CFAP20DC: variants seen among roughly 807,000 people sequenced by gnomAD.
The protein encoded by CFAP20DC is protein CFAP20DC.
In CFAP20DC, 84 loss-of-function variants were observed where a neutral mutation model predicts 101.7. That is an observed-to-expected ratio of 0.83 (90% CI 0.69 to 0.99). The LOEUF is 0.99. Ranked by LOEUF, CFAP20DC falls within the 50% of genes least tolerant of loss-of-function variation. CFAP20DC has a pLI of 0.00. For synonymous variants in CFAP20DC, 359 were observed against 351.2 expected, an observed-to-expected ratio of 1.02 and a Z score of -0.25; for missense variants, 1,007 against 970.3, an observed-to-expected ratio of 1.04 and a Z score of -0.50.
At chr3:58,751,087 C>T (rs1254693748) in intron 16 of CFAP20DC, among the ~76,000 whole-genome samples, 1 of 152,124 alleles carries the variant, frequency 6.6e-6, no homozygotes, top group African/African-American at 2.4e-5. Flanking sequence ...CTCCTTTCCT[C>T]CCTTTATTCC....
At chr3:58,998,376 A>G (rs920567127) in intron 4 of CFAP20DC, among the ~76,000 whole-genome samples, 3 of 152,220 alleles carry the variant, frequency 2.0e-5, no homozygotes, top group Non-Finnish European at 4.4e-5. Flanking sequence ...TCGTTTGTAA[A>G]TGGGTGATAA....
At chr3:58,951,248 T>G (rs905808075) in intron 4 of CFAP20DC, among the ~76,000 whole-genome samples, 1 of 151,686 alleles carries the variant, frequency 6.6e-6, no homozygotes, top group Non-Finnish European at 1.5e-5. Flanking sequence ...ATTAAAAAGT[T>G]AGAAAACAAC....
intron 4 of CFAP20DC, among the ~76,000 whole-genome samples, chr3:58,967,129 G>A (rs2091611592): frequency 6.6e-6 from 1 of 152,168 alleles, no homozygotes; most frequent in Admixed American, 6.6e-5. Flanking sequence ...TAGTAAACAT[G>A]ACAGTGTGGT....
intron 6 of CFAP20DC, among the ~76,000 whole-genome samples, chr3:58,907,755 C>G (rs184559068): frequency 1.3e-5 from 2 of 152,260 alleles, no homozygotes; most frequent in East Asian, 3.9e-4. Flanking sequence ...TTTACCTAAT[C>G]AAGGCATAAG....
intron 15 of CFAP20DC, among the ~76,000 whole-genome samples, chr3:58,756,247 C>T (rs112945934): frequency 0.027 from 4,162 of 152,050 alleles, 191 homozygotes; most frequent in African/African-American, 0.093. Flanking sequence ...AGGAAACTGG[C>T]CCTCAGTATC....
intron 16 of CFAP20DC, among the ~76,000 whole-genome samples, chr3:58,751,939 T>C (rs2068605566): frequency 6.6e-6 from 1 of 152,088 alleles, no homozygotes; most frequent in Non-Finnish European, 1.5e-5. Context: ...AAGTGCTAAA[T>C]GAATGGTGTC....
At chr3:58,772,886 T>G (rs1255478868) in intron 15 of CFAP20DC, among the ~76,000 whole-genome samples, 1 of 152,150 alleles carries the variant, frequency 6.6e-6, no homozygotes, top group East Asian at 1.9e-4. Flanking sequence ...GCATAGAAAA[T>G]TTCTGAAGAA....
intron 4 of CFAP20DC, among the ~76,000 whole-genome samples, chr3:59,030,905 G>A (rs982260363): frequency 6.6e-6 from 1 of 152,044 alleles, no homozygotes; most frequent in Non-Finnish European, 1.5e-5. Context: ...CTCACTGCAA[G>A]CTCCGCCTCC....
At chr3:58,765,490 C>CAAAAAAAAAAAA (rs1337049385) in intron 15 of CFAP20DC, among the ~76,000 whole-genome samples, 12 of 81,792 alleles carry the variant, frequency 1.5e-4, no homozygotes, top group East Asian at 4.0e-4. Flanking sequence ...AAAAAAAAAC[C>CAAAAAAAAAAAA]AAAAAAAAAA....
rs577286826 is a variant in CFAP20DC, at chr3:59,046,342, C to T, written c.112-20G>A. ...AAACTCCTATAGAACAAAATGAAAA[C>T]AGTAGTTATCACAGGATATTTTATT... On this transcript the variant is annotated intron_variant, in intron 2 of 16. Transcript: ENST00000482387. The T allele has an allele frequency of 1.4e-6, 2 of 1,389,124 alleles. No homozygotes were observed. Among genetic ancestry groups the T allele is most frequent in the South Asian group, 2.6e-5 (2 of 75,822 alleles). 86.0% of individuals were successfully genotyped at this position (1,389,124 alleles called of 1,614,324 possible).
In CFAP20DC at chr3:58,861,608, C is replaced by A; in HGVS notation, c.1593+1950G>T. ...TAAAACTTGTTTAAATATAGCCTAG[C>A]ATTTTTGTTGGTCCTATTTTTGTAT... On this transcript the variant is annotated intron_variant, in intron 12 of 16. Coordinates refer to ENST00000482387, the MANE Select transcript of CFAP20DC (RefSeq NM_001394063.1). This position sits in a 1 kb window ranked among gnomAD's most constrained non-coding sequence, Gnocchi z 4.0. 2.0e-6 allele frequency: 2 copies of A among 985,402 alleles called. No individual in the cohort carries two copies. The highest frequency in any genetic ancestry group is 2.4e-6 in the Non-Finnish European group (2 of 829,902). 61.0% of individuals were successfully genotyped at this position (985,402 alleles called of 1,614,324 possible).
At chr3:58,981,570 G>A (rs1233596901) in intron 4 of CFAP20DC, among the ~76,000 whole-genome samples, 2 of 152,158 alleles carry the variant, frequency 1.3e-5, no homozygotes, top group Non-Finnish European at 2.9e-5. Flanking sequence ...ACAACCATCT[G>A]GTCTTTGACA....
chr3:58,749,050 C>G (rs2068390389), intron 16 of CFAP20DC, among the ~76,000 whole-genome samples: 1 of 152,134 alleles, frequency 6.6e-6, no homozygotes, highest in Admixed American at 6.5e-5. Context: ...TTTCATATGA[C>G]CAATATTGCT....
chr3:58,734,915 A>G (rs896151159), intron 3 of CFAP20DC, among the ~76,000 whole-genome samples: 1 of 152,280 alleles, frequency 6.6e-6, no homozygotes, highest in African/African-American at 2.4e-5. Context: ...TCGTATTTAG[A>G]AGAACGCTAC....
intron 1 of CFAP20DC, 31 bp downstream of exon 1, chr3:59,049,580 A>C: frequency 6.5e-7 from 1 of 1,532,022 alleles, no homozygotes; most frequent in Non-Finnish European, 8.7e-7. Flanking sequence ...GGAGAAAGGT[A>C]TAGACAGGTT....
At chr3:58,808,904 G>A (rs1321946695) in intron 14 of CFAP20DC, among the ~76,000 whole-genome samples, 2 of 151,964 alleles carry the variant, frequency 1.3e-5, no homozygotes, top group African/African-American at 4.8e-5. Context: ...AAAAAGGCAG[G>A]GGTTGCAATC....
At chr3:58,778,633 A>G (rs549769958) in intron 15 of CFAP20DC, among the ~76,000 whole-genome samples, 1 of 152,318 alleles carries the variant, frequency 6.6e-6, no homozygotes, top group East Asian at 1.9e-4. Flanking sequence ...CTGGCACCCA[A>G]GTAAGCCACT....
chr3:58,898,237 T>C (rs1439141988), intron 6 of CFAP20DC, among the ~76,000 whole-genome samples: 1 of 151,826 alleles, frequency 6.6e-6, no homozygotes, highest in African/African-American at 2.4e-5. Context: ...TGCAGTGGTG[T>C]GATCTCATCT....
At chr3:58,847,010 C>T (rs1197493945) in intron 13 of CFAP20DC, among the ~76,000 whole-genome samples, 123 of 121,800 alleles carry the variant, frequency 1.0e-3, no homozygotes, top group African/African-American at 3.7e-3. Context: ...ATACAAAAAT[C>T]AATTCAAGAT....
Sources: gnomAD v4.1 joint callset for allele counts (sites outside exome capture counted in the v4.1 genomes callset) on GRCh38, gnomAD v4.1.1 for gene constraint, Gnocchi (gnomAD v3.1) non-coding constraint, MANE v1.5 for transcripts, NCBI Gene and HGNC (gene_info 2026-07-23, HGNC 2026-07-21) for gene names.